CDH12: variants seen among roughly 807,000 people sequenced by gnomAD.
CDH12 encodes the protein cadherin 12.
In CDH12, 41 loss-of-function variants were observed where a neutral mutation model predicts 74.1. The ratio of observed to expected loss-of-function variants is 0.55; its 90% CI spans 0.43 to 0.72. The LOEUF is 0.72. Ranked by LOEUF, CDH12 falls within the 30% of genes least tolerant of loss-of-function variation. The probability of loss-of-function intolerance (pLI) is 0.00; values close to 1 mark genes in which losing one functional copy is unlikely to be tolerated. For synonymous variants in CDH12, 399 were observed against 355.0 expected (o/e 1.12, Z -1.39); for missense variants, 945 against 977.2 (o/e 0.97, Z 0.44).
intron 3 of CDH12, among the ~76,000 whole-genome samples, chr5:22,222,803 A>C (rs180733835): frequency 3.4e-4 from 51 of 152,050 alleles, no homozygotes; most frequent in Admixed American, 1.2e-3. Flanking sequence ...TAAGAAAAAA[A>C]TTAGATAATT....
intron 6 of CDH12, among the ~76,000 whole-genome samples, chr5:21,958,382 G>C (rs558967720): frequency 1.3e-5 from 2 of 152,222 alleles, no homozygotes; most frequent in South Asian, 4.1e-4. Context: ...TCTAAGTACA[G>C]GACGGTATTG....
intron 6 of CDH12, among the ~76,000 whole-genome samples, chr5:21,914,023 T>C (rs1237469776): frequency 1.3e-5 from 2 of 152,128 alleles, no homozygotes; most frequent in Non-Finnish European, 1.5e-5. Flanking sequence ...CAGTGTTTCA[T>C]ATTGGTCCTT....
rs566142363 is a variant in CDH12, at chr5:21,831,760, A to T, written c.814+10401T>A. 2.6e-5 allele frequency among the ~76,000 whole-genome samples: 4 copies of T among 152,244 alleles called. No individual in the cohort carries two copies. In the East Asian group the frequency reaches 7.7e-4, roughly 29 times the overall value. ...TTTCTCGTATTTTTGCAGGAAGGCCAAAAGGTGGGGATAGAAGAGCTTTCC... is the reference window on the plus strand; with the variant it reads ...TTTCTCGTATTTTTGCAGGAAGGCCTAAAGGTGGGGATAGAAGAGCTTTCC... On this transcript the variant is annotated intron_variant, in intron 8 of 14. Coordinates refer to ENST00000382254, the MANE Select transcript of CDH12 (RefSeq NM_004061.5).
chr5:22,581,733 C>G (rs559193230), intron 1 of CDH12, among the ~76,000 whole-genome samples: 1 of 152,156 alleles, frequency 6.6e-6, no homozygotes, highest in African/African-American at 2.4e-5. Flanking sequence ...AATGACAGCC[C>G]GTGAAGGCAG....
rs1456606913 is a variant in CDH12, at chr5:21,778,510, G to GA, written c.1393+4847dup. 1.0e-4 allele frequency among the ~76,000 whole-genome samples: 14 copies of GA among 139,524 alleles called. No individual in the cohort carries two copies. The South Asian group carries it at 2.0e-3, about 20-fold the overall frequency. 91.5% of individuals were successfully genotyped at this position (139,524 alleles called of 152,430 possible). On this transcript the variant is annotated intron_variant, in intron 11 of 14. Transcript: ENST00000382254. ...AAAAAAACTTCAGACGATTCTGCCG[G>GA]AAAAATCTCTATTTTTTTTTTTTTT...
At chr5:22,808,208 T>C (rs756736487) in intron 1 of CDH12, among the ~76,000 whole-genome samples, 2 of 152,212 alleles carry the variant, frequency 1.3e-5, no homozygotes, top group African/African-American at 2.4e-5. Context: ...TTAATTACAC[T>C]CATGCTATCT....
chr5:22,210,682 A>G (rs993053679), intron 4 of CDH12, among the ~76,000 whole-genome samples: 1 of 152,060 alleles, frequency 6.6e-6, no homozygotes, highest in African/African-American at 2.4e-5. Flanking sequence ...TGGTCAATAC[A>G]TCCAACAAAA....
chr5:21,787,783 C>G (rs1391904625), intron 10 of CDH12, among the ~76,000 whole-genome samples: 1 of 152,086 alleles, frequency 6.6e-6, no homozygotes, highest in African/African-American at 2.4e-5. Flanking sequence ...TGAATGCTCT[C>G]AAAAATTAAA....
chr5:21,877,133 G>A (rs1222912126), intron 6 of CDH12, among the ~76,000 whole-genome samples: 3 of 152,092 alleles, frequency 2.0e-5, no homozygotes, highest in African/African-American at 7.2e-5. Flanking sequence ...AACCCATGAG[G>A]AGAAGGTTGC....
At chr5:21,894,351 C>T in intron 6 of CDH12, among the ~76,000 whole-genome samples, 33 of 147,162 alleles carry the variant, frequency 2.2e-4, no homozygotes, top group African/African-American at 7.9e-4. Context: ...TGCACTCCAG[C>T]CTGGGCAACA....
chr5:22,371,652 T>C (rs1054959318), intron 3 of CDH12, among the ~76,000 whole-genome samples: 5 of 152,204 alleles, frequency 3.3e-5, no homozygotes, highest in African/African-American at 9.6e-5. Context: ...TAAGCATTAG[T>C]CTGTTTTAAT....
chr5:22,054,511 C>T lies in CDH12; in HGVS notation c.231+23935G>A, dbSNP rs1413407954. Among the ~76,000 whole-genome samples the T allele has an allele frequency of 2.0e-5, 3 of 152,038 alleles. No homozygotes were observed. The East Asian group carries it at 5.8e-4, about 29-fold the overall frequency. On this transcript the variant is annotated intron_variant, in intron 5 of 14. Transcript: ENST00000382254. ...AATAGAATGGCCTACTTTAGATATG[C>T]AGATATATGGTAAAGAAACTTCCCA...
intron 1 of CDH12, among the ~76,000 whole-genome samples, chr5:22,658,010 T>C (rs962422666): frequency 1.1e-4 from 16 of 152,200 alleles, no homozygotes; most frequent in African/African-American, 3.9e-4. Flanking sequence ...TGCGGCTTCA[T>C]TAAATATATT....
chr5:22,768,634 C>A (rs1746644643), intron 1 of CDH12, among the ~76,000 whole-genome samples: 1 of 151,936 alleles, frequency 6.6e-6, no homozygotes, highest in African/African-American at 2.4e-5. Context: ...GTTCTTTACT[C>A]TATCATCATC....
chr5:21,851,513 A>G (rs1750467095), intron 7 of CDH12, among the ~76,000 whole-genome samples: 1 of 150,854 alleles, frequency 6.6e-6, no homozygotes, highest in African/African-American at 2.4e-5. Context: ...TTAATGTTTT[A>G]TAAATGTTAA....
chr5:21,979,382 T>C (rs1757209976), intron 5 of CDH12, among the ~76,000 whole-genome samples: 1 of 152,172 alleles, frequency 6.6e-6, no homozygotes, highest in African/African-American at 2.4e-5. Flanking sequence ...TGTTATTTTC[T>C]GGTGTTTTCC....
intron 3 of CDH12, among the ~76,000 whole-genome samples, chr5:22,375,374 A>G (rs1185082157): frequency 2.0e-5 from 3 of 152,158 alleles, no homozygotes; most frequent in African/African-American, 7.2e-5. Flanking sequence ...ATACTTCAAG[A>G]CATCAGTCTA....
intron 2 of CDH12, among the ~76,000 whole-genome samples, chr5:22,447,134 C>G (rs373273857): frequency 2.0e-5 from 3 of 152,088 alleles, no homozygotes; most frequent in Non-Finnish European, 4.4e-5. Context: ...AAAGATGAGT[C>G]ATTCTTCTTG....
intron 3 of CDH12, among the ~76,000 whole-genome samples, chr5:22,307,541 G>T (rs995670957): frequency 6.6e-6 from 1 of 152,040 alleles, no homozygotes; most frequent in Non-Finnish European, 1.5e-5. Flanking sequence ...CAAATCCTAG[G>T]TTGAATAAAT....
Sources: gnomAD v4.1 joint callset for allele counts (sites outside exome capture counted in the v4.1 genomes callset) on GRCh38, gnomAD v4.1.1 for gene constraint, MANE v1.5 for transcripts, NCBI Gene and HGNC (gene_info 2026-07-23, HGNC 2026-07-21) for gene names.